The following DSP variants were observed in gnomAD, a reference collection of about 807,000 sequenced individuals.
The protein encoded by DSP is desmoplakin, also known as 250/210 kDa paraneoplastic pemphigus antigen.
Under a neutral mutation model 290.6 loss-of-function variants are expected in DSP, and 114 were observed. The observed-to-expected ratio is 0.39, with a 90% confidence interval of 0.34 to 0.46. The LOEUF (loss-of-function observed/expected upper bound fraction) is 0.46. DSP is among the 20% of genes least tolerant of loss of function. DSP has a pLI of 0.99. For missense variants in DSP, 3,230 were observed against 3,495.8 expected (o/e 0.92, Z 1.92); for synonymous variants, 1,311 against 1,316.4 (o/e 1.00, Z 0.09).
rs1402631043 is a variant in DSP, at chr6:7,563,896, A to G, written c.777+110A>G. ...GGGGAGGCACCTGTTCATCGATGCT[A>G]ATGTTGTTGCTGCTGCTGAGTTTCC... On this transcript the variant is annotated intron_variant, in intron 6 of 23. Coordinates refer to ENST00000379802, the MANE Select transcript of DSP (RefSeq NM_004415.4). 4 of 965,724 alleles carry G rather than the reference A, an allele frequency of 4.1e-6. No individual in the cohort carries two copies. The African/African-American group carries it at 4.8e-5, about 12-fold the overall frequency. The allele number at this position is 965,724 out of a possible 1,614,324, so 59.8% of individuals were successfully genotyped here. A position where few individuals can be genotyped will look rare whatever the true frequency, so the allele number is the denominator to read the frequency against.
At chr6:7,578,015 T>C in intron 21 of DSP, 129 bp downstream of exon 21, 1 of 761,906 alleles carries the variant, frequency 1.3e-6, no homozygotes. Flanking sequence ...TTTCATCCCA[T>C]TACAGGGTAC....
intron 17 of DSP, 104 bp from the exon 18 acceptor site, chr6:7,575,191 T>G: frequency 9.2e-7 from 1 of 1,081,596 alleles, no homozygotes; most frequent in Non-Finnish European, 1.4e-6. Flanking sequence ...TTATGAATAT[T>G]CTAAAGTGTT....
At chr6:7,574,329 C>T in intron 16 of DSP, 77 bp downstream of exon 16, 1 of 1,435,536 alleles carries the variant, frequency 7.0e-7, no homozygotes, top group Non-Finnish European at 9.8e-7. Flanking sequence ...GCTTTAGATG[C>T]TTGCCTTACA....
Position 7,563,723 on chromosome 6 carries a change from TG to T in DSP, c.727-12del, listed in dbSNP as rs2113666826. On this transcript the variant is annotated splice_polypyrimidine_tract_variant and intron_variant, in intron 5 of 23. Transcript: ENST00000379802. ...AGGGGATTTATATCTACCTGCTTTT[TG>T]TTGTCTTCTAGCGCGAGAAATCTGC... 1 of 1,611,450 alleles carries T rather than the reference TG, an allele frequency of 6.2e-7. No homozygotes were observed. Among genetic ancestry groups the T allele is most frequent in the Non-Finnish European group, 8.5e-7 (1 of 1,177,528 alleles).
chr6:7,567,377 G>A lies in DSP; in HGVS notation c.1068G>A (p.Thr356=), dbSNP rs766094745. Residue 356 remains threonine (T), a synonymous_variant, in exon 9 of 24, where the codon ACG becomes ACA. Transcript: ENST00000379802. ...AGGCCTATATGGACACTCTGCAGAC[G>A]CAGTGGAGTTGGATTCTTCAGATCA... is the stretch of plus-strand genomic sequence containing the variant. ...KIEAYMDTLQ[T]QWSWILQITK... 11 of 1,613,878 alleles carry A rather than the reference G, an allele frequency of 6.8e-6. No individual in the cohort carries two copies. The highest frequency in any genetic ancestry group is 2.2e-5 in the East Asian group (1 of 44,874).
Position 7,548,397 on chromosome 6 carries a change from G to T in DSP, c.170+6312G>T, listed in dbSNP as rs1042430521. On this transcript the variant is annotated intron_variant, in intron 1 of 23. Coordinates refer to ENST00000379802, the MANE Select transcript of DSP (RefSeq NM_004415.4). Reference sequence around the variant, plus strand: ...GCCTCACCTCAGCCCCAGGAGGGGGGTGTTCTACCTGTCACAGAGGCAGAA... The same window carrying T: ...GCCTCACCTCAGCCCCAGGAGGGGGTTGTTCTACCTGTCACAGAGGCAGAA... 1.3e-4 allele frequency among the ~76,000 whole-genome samples: 20 copies of T among 152,228 alleles called. 2 individuals carry two copies. The highest frequency in any genetic ancestry group is 1.3e-3 in the Admixed American group (20 of 15,290).
rs727502995 is a variant in DSP at position 7,542,026 on chromosome 6, C to T, written c.111C>T (p.Thr37=). ...AGGTGACCAGCGGCGGCGGGGGCAC[C>T]AGCAGGATGTACTATTCTCGGCGCG... ...RYEVTSGGGG[T]SRMYYSRRGV... Residue 37 remains threonine, a synonymous_variant, in exon 1 of 24, where the codon ACC becomes ACT. Transcript: ENST00000379802. 7 of 1,582,376 alleles carry T rather than the reference C, an allele frequency of 4.4e-6. No individual in the cohort carries two copies. The highest frequency in any genetic ancestry group is 6.0e-6 in the Non-Finnish European group (7 of 1,165,254).
At position 7,580,797 on chromosome 6, in the gene DSP, C is replaced by G; in HGVS notation, c.4607C>G (p.Thr1536Arg). The change falls in exon 23 of 24, where the codon ACA (threonine) becomes AGA (arginine). Residue 1536 changes from threonine (T) to arginine (R), a missense_variant. By Grantham distance (71) the Thr-to-Arg change is moderately conservative (BLOSUM62 -1). Coordinates refer to ENST00000379802, the MANE Select transcript of DSP (RefSeq NM_004415.4). The surrounding 1 kb of genome is among the most constrained non-coding windows in gnomAD (Gnocchi z 4.2). The stretch of plus-strand genomic sequence containing the variant: ...CTGAAGGTTCAGGAGCAAGAACTGA[C>G]ACGCCTGAGGATCGACTATGAAAGG... ...NKLKVQEQEL[T>R]RLRIDYERVS... The G allele has an allele frequency of 6.2e-7, 1 of 1,614,168 alleles. No individual in the cohort carries two copies. The highest frequency in any genetic ancestry group is 8.5e-7 in the Non-Finnish European group (1 of 1,180,036).
chr6:7,555,862 C>T (rs769448464), intron 2 of DSP, 42 bp downstream of exon 2: 11 of 1,570,166 alleles, frequency 7.0e-6, no homozygotes, highest in Non-Finnish European at 8.7e-6. Flanking sequence ...AAAGCCTTGG[C>T]CACACCCGAC....
chr6:7,556,562 G>T (rs1377616046), intron 2 of DSP, among the ~76,000 whole-genome samples: 1 of 152,158 alleles, frequency 6.6e-6, no homozygotes, highest in Non-Finnish European at 1.5e-5. Context: ...TGGTATCAAG[G>T]TTACATCTGG....
At chr6:7,552,664 T>TG (rs1444531525) in intron 1 of DSP, among the ~76,000 whole-genome samples, 11 of 82,970 alleles carry the variant, frequency 1.3e-4, no homozygotes, top group Middle Eastern at 6.7e-3. Flanking sequence ...TACCTGTTGT[T>TG]TTTTTTTTTT....
intron 1 of DSP, among the ~76,000 whole-genome samples, chr6:7,551,892 GA>G (rs1758353060): frequency 6.6e-6 from 1 of 152,104 alleles, no homozygotes; most frequent in Non-Finnish European, 1.5e-5. Flanking sequence ...TGTTTTGATG[GA>G]CCGAGCCATT....
rs750557604 is a variant in DSP at position 7,579,646 on chromosome 6, C to T, written c.3456C>T (p.Asn1152=). 1 of 1,613,884 alleles carries T rather than the reference C, an allele frequency of 6.2e-7. No individual in the cohort carries two copies. The change falls in exon 23 of 24, where the codon AAC becomes AAT. Residue 1152 remains asparagine (N), a synonymous_variant. Coordinates refer to ENST00000379802, the MANE Select transcript of DSP (RefSeq NM_004415.4). The surrounding 1 kb of genome is among the most constrained non-coding windows in gnomAD (Gnocchi z 4.1). ...LQKARQCEKE[N]LGWQKLESEK... Reference sequence around the variant, plus strand: ...AAGCAAGGCAATGTGAAAAGGAGAACCTTGGTTGGCAGAAATTAGAGTCTG... The same window carrying T: ...AAGCAAGGCAATGTGAAAAGGAGAATCTTGGTTGGCAGAAATTAGAGTCTG...
intron 1 of DSP, among the ~76,000 whole-genome samples, chr6:7,551,248 A>T (rs1463435681): frequency 6.6e-6 from 1 of 151,604 alleles, no homozygotes; most frequent in African/African-American, 2.4e-5. Flanking sequence ...TTCTGAGATT[A>T]AAAAAAAATC....
chr6:7,565,581 G>T lies in DSP; in HGVS notation c.939+61G>T, dbSNP rs1758837778. On this transcript the variant is annotated intron_variant, in intron 7 of 23. Coordinates refer to ENST00000379802, the MANE Select transcript of DSP (RefSeq NM_004415.4). The surrounding 1 kb of genome is among the most constrained non-coding windows in gnomAD (Gnocchi z 4.2). ...TGAGCCTGTTGCCTTGAAGAGCTGG[G>T]GTCTCGGGGAATGATTGGTCTATTA... 3 of 1,597,526 alleles carry T rather than the reference G, an allele frequency of 1.9e-6. No homozygotes were observed. The highest frequency in any genetic ancestry group is 1.7e-5 in the Admixed American group (1 of 59,842).
At chr6:7,557,954 A>G (rs529311551) in intron 2 of DSP, among the ~76,000 whole-genome samples, 162 bp from the exon 3 acceptor site, 1 of 152,218 alleles carries the variant, frequency 6.6e-6, no homozygotes, top group Non-Finnish European at 1.5e-5. Flanking sequence ...TTGGTTCATG[A>G]ATCTCCGTCT....
In DSP at chr6:7,569,314, C is replaced by G. The variant is rs1407207091; in HGVS notation, c.1548C>G (p.Asn516Lys). ...TGGGGCTGATCATCCCTCCTCCGAACCCACTGGCCGTGGACCTCTCTTGCA... is the reference window on the plus strand; with the variant it reads ...TGGGGCTGATCATCCCTCCTCCGAAGCCACTGGCCGTGGACCTCTCTTGCA... ...PSVGLIIPPP[N>K]PLAVDLSCKI... Residue 516 changes from asparagine (N) to lysine (K), a missense_variant, in exon 12 of 24, where the codon AAC becomes AAG. By Grantham distance (94) the Asn-to-Lys change is moderately conservative. Transcript: ENST00000379802. 1.2e-6 allele frequency: 2 copies of G among 1,614,088 alleles called. No individual in the cohort carries two copies. Among genetic ancestry groups the G allele is most frequent in the Non-Finnish European group, 1.7e-6 (2 of 1,179,960 alleles).
Position 7,565,574 on chromosome 6 carries a change from G to A in DSP, c.939+54G>A. 6.2e-7 allele frequency: 1 copy of A among 1,606,886 alleles called. No individual in the cohort carries two copies. Among genetic ancestry groups the A allele is most frequent in the Non-Finnish European group, 8.5e-7 (1 of 1,173,950 alleles). On this transcript the variant is annotated intron_variant, in intron 7 of 23. Transcript: ENST00000379802. This position sits in a 1 kb window ranked among gnomAD's most constrained non-coding sequence, Gnocchi z 4.2. ...CTTGTCTTGAGCCTGTTGCCTTGAA[G>A]AGCTGGGGTCTCGGGGAATGATTGG...
rs1449447405 is a variant in DSP at position 7,569,327 on chromosome 6, G to A, written c.1561G>A (p.Asp521Asn). 1 of 1,614,146 alleles carries A rather than the reference G, an allele frequency of 6.2e-7. No individual in the cohort carries two copies. The highest frequency in any genetic ancestry group is 8.5e-7 in the Non-Finnish European group (1 of 1,180,044). ...IIPPPNPLAV[D>N]LSCKIEQYYE... ...CCCTCCTCCGAACCCACTGGCCGTG[G>A]ACCTCTCTTGCAAGTAAGTCATCCA... Residue 521 changes from aspartate to asparagine, a missense_variant, in exon 12 of 24, where the codon GAC becomes AAC. Physicochemically the swap from Asp to Asn is conservative, Grantham distance 23 (BLOSUM62 1). This residue lies in a region of DSP where 646 missense variants were observed against 684.3 expected (regional missense o/e 0.94). Coordinates refer to ENST00000379802, the MANE Select transcript of DSP (RefSeq NM_004415.4).
Sources: gnomAD v4.1 joint callset for allele counts (sites outside exome capture counted in the v4.1 genomes callset) on GRCh38, gnomAD v4.1.1 for gene constraint, gnomAD v4.1.1 regional missense constraint, Gnocchi (gnomAD v3.1) non-coding constraint, MANE v1.5 for transcripts, NCBI Gene and HGNC (gene_info 2026-07-23, HGNC 2026-07-21) for gene names.